The following BAZ2B variants were observed in gnomAD, a reference collection of about 807,000 sequenced individuals.
BAZ2B encodes the protein bromodomain adjacent to zinc finger domain protein 2B.
Under a neutral mutation model 246.0 loss-of-function variants are expected in BAZ2B, and 91 were observed. The ratio of observed to expected loss-of-function variants is 0.37; its 90% CI spans 0.31 to 0.44. BAZ2B has a LOEUF of 0.44. BAZ2B is among the 20% of genes least tolerant of loss of function. BAZ2B has a pLI of 1.00. For missense variants in BAZ2B, 2,332 were observed against 2,533.7 expected (o/e 0.92, Z 1.71); for synonymous variants, 855 against 860.0 (o/e 0.99, Z 0.10).
intron 3 of BAZ2B, among the ~76,000 whole-genome samples, chr2:159,477,748 T>A (rs377308085): frequency 6.6e-6 from 1 of 152,204 alleles, no homozygotes; most frequent in East Asian, 1.9e-4. Context: ...CACACCTTTG[T>A]AAAAGAACCA....
At chr2:159,643,403 G>T in the BAZ2B span, among the ~76,000 whole-genome samples, 1 of 151,988 alleles carries the variant, frequency 6.6e-6, no homozygotes, top group Non-Finnish European at 1.5e-5. Flanking sequence ...AATCCTATCA[G>T]ATCAAGCCTC....
intron 13 of BAZ2B, among the ~76,000 whole-genome samples, chr2:159,427,251 A>G (rs954744491): frequency 1.1e-4 from 16 of 152,132 alleles, no homozygotes; most frequent in Non-Finnish European, 2.1e-4. Context: ...GCTGAATACA[A>G]CTAAGGAACA....
intron 1 of BAZ2B, chr2:159,615,874 A>G (rs1463386671): frequency 6.6e-6 from 1 of 152,374 alleles, no homozygotes. Flanking sequence ...CCGGGAGCAC[A>G]ACCCACGGCC....
intron 3 of BAZ2B, among the ~76,000 whole-genome samples, chr2:159,458,004 G>T (rs980958806): frequency 6.6e-6 from 1 of 151,948 alleles, no homozygotes; most frequent in Non-Finnish European, 1.5e-5. Flanking sequence ...ATTCCTGACT[G>T]CCTCTTTCAT....
intron 2 of BAZ2B, among the ~76,000 whole-genome samples, chr2:159,495,724 C>T (rs988812227): frequency 6.6e-6 from 1 of 151,498 alleles, no homozygotes; most frequent in African/African-American, 2.4e-5. Flanking sequence ...ATAGGAGAAA[C>T]AGATATGAGT....
chr2:159,545,679 A>T (rs1013906802), intron 2 of BAZ2B, among the ~76,000 whole-genome samples: 9 of 152,154 alleles, frequency 5.9e-5, no homozygotes, highest in South Asian at 2.1e-4. Context: ...CTCTAATGAA[A>T]CTGCAAGGAT....
chr2:159,490,232 AATAT>A (rs2080293663), intron 2 of BAZ2B, among the ~76,000 whole-genome samples: 1 of 152,190 alleles, frequency 6.6e-6, no homozygotes, highest in African/African-American at 2.4e-5. Flanking sequence ...ACAGATATGA[AATAT>A]ATAGATGAAA....
At chr2:159,508,169 CCTAT>C (rs1367135149) in intron 2 of BAZ2B, among the ~76,000 whole-genome samples, 1 of 152,182 alleles carries the variant, frequency 6.6e-6, no homozygotes, top group Non-Finnish European at 1.5e-5. Flanking sequence ...CAACGCCTGG[CCTAT>C]CTATCTGATT....
intron 1 of BAZ2B, among the ~76,000 whole-genome samples, chr2:159,578,277 T>G (rs1168071598): frequency 6.6e-6 from 1 of 152,220 alleles, no homozygotes; most frequent in African/African-American, 2.4e-5. Context: ...CTTCAAATAC[T>G]TTTAATGGAG....
At chr2:159,682,404 C>A in the BAZ2B span, among the ~76,000 whole-genome samples, 1 of 152,008 alleles carries the variant, frequency 6.6e-6, no homozygotes, top group Non-Finnish European at 1.5e-5. Context: ...GTCTTGAACT[C>A]CCAGGCTCAA....
intron 1 of BAZ2B, among the ~76,000 whole-genome samples, chr2:159,560,368 A>C (rs2089700883): frequency 6.6e-6 from 1 of 151,370 alleles, no homozygotes; most frequent in African/African-American, 2.4e-5. Context: ...GCTCTTTTCA[A>C]GGTATGGTTA....
At chr2:159,515,338 C>T (rs925729755) in intron 2 of BAZ2B, among the ~76,000 whole-genome samples, 1 of 151,984 alleles carries the variant, frequency 6.6e-6, no homozygotes, top group Non-Finnish European at 1.5e-5. Flanking sequence ...CACCTTTAAG[C>T]TTTCTACTTC....
intron 27 of BAZ2B, among the ~76,000 whole-genome samples, chr2:159,366,317 C>T (rs1234295580): frequency 6.6e-6 from 1 of 152,152 alleles, no homozygotes; most frequent in African/African-American, 2.4e-5. Flanking sequence ...ACATAAATGC[C>T]AAGTGGATAT....
the BAZ2B span, among the ~76,000 whole-genome samples, chr2:159,646,336 T>C: frequency 6.6e-6 from 1 of 152,214 alleles, no homozygotes; most frequent in African/African-American, 2.4e-5. Flanking sequence ...TCCCTGAACA[T>C]TGCTGTTATC....
intron 34 of BAZ2B, among the ~76,000 whole-genome samples, chr2:159,331,851 A>G (rs1360359267): frequency 6.6e-6 from 1 of 152,214 alleles, no homozygotes; most frequent in South Asian, 2.1e-4. Flanking sequence ...ATAATGACAC[A>G]TAAGACAGAA....
intron 1 of BAZ2B, among the ~76,000 whole-genome samples, chr2:159,597,629 C>G (rs1167971798): frequency 1.3e-5 from 2 of 152,180 alleles, no homozygotes; most frequent in Admixed American, 1.3e-4. Flanking sequence ...TAGGTTCAAG[C>G]GATTCTCCTG....
At chr2:159,619,433 T>A (rs1696342165), upstream of BAZ2B, among the ~76,000 whole-genome samples, 1 of 151,694 alleles carries the variant, frequency 6.6e-6, no homozygotes, top group Non-Finnish European at 1.5e-5. Context: ...TATGTGACAT[T>A]CCCAATGGTG....
At chr2:159,560,379 T>C (rs2089701934) in intron 1 of BAZ2B, among the ~76,000 whole-genome samples, 1 of 149,110 alleles carries the variant, frequency 6.7e-6, no homozygotes, top group Non-Finnish European at 1.5e-5. Context: ...GGTATGGTTA[T>C]ACAATAAAAA....
chr2:159,339,544 C>T lies in BAZ2B; in HGVS notation c.5455-1772G>A, dbSNP rs988930461. Among the ~76,000 whole-genome samples the T allele has an allele frequency of 3.3e-5, 5 of 152,064 alleles. No individual in the cohort carries two copies. In the South Asian group the frequency reaches 1.0e-3, roughly 31 times the overall value. ...AAAATCTAAAAATAGAACTACCATA[C>T]GATCTAGCAATTCCATTAGTGGGTA... On this transcript the variant is annotated intron_variant, in intron 31 of 36. Transcript: ENST00000392783.
Sources: allele counts gnomAD v4.1 joint callset (sites outside exome capture counted in the v4.1 genomes callset), GRCh38; gene constraint gnomAD v4.1.1; transcripts MANE v1.5; gene names NCBI Gene and HGNC (gene_info 2026-07-23, HGNC 2026-07-21).